Variants in CA5A observed in about 807,000 individuals in gnomAD.
The protein encoded by CA5A is carbonic anhydrase 5A, also known as carbonic anhydrase 5A, mitochondrial.
CA5A carries 28 observed loss-of-function variants against 37.1 expected under a neutral mutation model. The observed-to-expected ratio is 0.75, with a 90% CI of 0.56 to 1.03. CA5A has a LOEUF of 1.03. Among genes scored for constraint, CA5A ranks in the 50% least tolerant of loss-of-function variants. The pLI is 0.00. For missense variants in CA5A, 444 were observed against 399.9 expected, an observed-to-expected ratio of 1.11 and a Z score of -0.94; for synonymous variants, 171 against 158.4, an observed-to-expected ratio of 1.08 and a Z score of -0.60.
intron 2 of CA5A, among the ~76,000 whole-genome samples, chr16:87,908,662 G>A (rs546347753): frequency 2.9e-4 from 44 of 152,306 alleles, no homozygotes; most frequent in African/African-American, 1.0e-3. Flanking sequence ...GAAGGGACTT[G>A]TGAGCCCTGA....
chr16:87,925,887 C>T (rs2056300057), intron 2 of CA5A, among the ~76,000 whole-genome samples: 1 of 152,108 alleles, frequency 6.6e-6, no homozygotes, highest in African/African-American at 2.4e-5. Flanking sequence ...CCTCCAGCCG[C>T]CTGCTCAGTC....
At chr16:87,917,012 G>A (rs1263990643) in intron 2 of CA5A, among the ~76,000 whole-genome samples, 1 of 151,634 alleles carries the variant, frequency 6.6e-6, no homozygotes, top group Non-Finnish European at 1.5e-5. Flanking sequence ...GGCTGAGGCA[G>A]GAGAATGGTG....
In CA5A at chr16:87,899,779, G is replaced by C. The variant is rs542487128; in HGVS notation, c.618+2133C>G. On this transcript the variant is annotated intron_variant, in intron 5 of 6. Coordinates refer to ENST00000649794, the MANE Select transcript of CA5A (RefSeq NM_001739.2). ...TACTAAAAATACAAAAATTAGCCAG[G>C]CATGGTGGTGGGCGCCGGTACTTCC... 9.9e-4 allele frequency among the ~76,000 whole-genome samples: 149 copies of C among 151,044 alleles called. 1 individual carries two copies. Among genetic ancestry groups the C allele is most frequent in the African/African-American group, 3.4e-3 (141 of 41,322 alleles).
intron 1 of CA5A, among the ~76,000 whole-genome samples, chr16:87,931,855 G>C (rs2056410563): frequency 6.6e-6 from 1 of 152,224 alleles, no homozygotes; most frequent in Admixed American, 6.5e-5. Flanking sequence ...GCCACAACAG[G>C]GGCCTCTGTC....
At position 87,901,892 on chromosome 16, in the gene CA5A, A is replaced by G. The variant is rs762391118; in HGVS notation, c.618+20T>C. 1 of 1,609,282 alleles carries G rather than the reference A, an allele frequency of 6.2e-7. No homozygotes were observed. The highest frequency in any genetic ancestry group is 1.1e-5 in the South Asian group (1 of 91,024). ...GTGAGCCTCCGCGCCCGGCCTGCTG[A>G]TTTCAAATATGCAGCTTACCTTATG... On this transcript the variant is annotated intron_variant, in intron 5 of 6. Transcript: ENST00000649794.
intron 5 of CA5A, among the ~76,000 whole-genome samples, chr16:87,895,460 A>G (rs112828109): frequency 6.6e-6 from 1 of 152,098 alleles, no homozygotes; most frequent in Admixed American, 6.6e-5. Context: ...CAGGAGAATC[A>G]CTTAAACCCG....
chr16:87,934,015 A>C (rs8058774), intron 1 of CA5A, among the ~76,000 whole-genome samples: 1 of 152,300 alleles, frequency 6.6e-6, no homozygotes, highest in East Asian at 1.9e-4. Flanking sequence ...GTAAGAGGAC[A>C]TGTTGCCACA....
intron 2 of CA5A, chr16:87,925,514 G>A (rs1281067541): frequency 6.6e-6 from 1 of 152,380 alleles, no homozygotes; most frequent in Non-Finnish European, 1.5e-5. Context: ...CCCAGCACGT[G>A]GCCCAATTCC....
At chr16:87,910,934 G>A (rs2056041239) in intron 2 of CA5A, among the ~76,000 whole-genome samples, 1 of 151,836 alleles carries the variant, frequency 6.6e-6, no homozygotes. Flanking sequence ...ATTTTTAGTA[G>A]AGACGGGGTT....
At chr16:87,926,670 C>T (rs547843428) in intron 2 of CA5A, 78 bp downstream of exon 2, 5 of 1,153,892 alleles carry the variant, frequency 4.3e-6, no homozygotes, top group African/African-American at 1.5e-5. Context: ...CTCTCCTCCC[C>T]CTTCTCCGCG....
rs1378064189 is a variant in CA5A at position 87,902,408 on chromosome 16, C to G, written c.555+17G>C. 1 of 1,491,208 alleles carries G rather than the reference C, an allele frequency of 6.7e-7. No homozygotes were observed. The highest frequency in any genetic ancestry group is 9.4e-7 in the Non-Finnish European group (1 of 1,068,336). The allele number at this position is 1,491,208 out of a possible 1,614,324, so 92.4% of individuals were successfully genotyped here. A position where few individuals can be genotyped will look rare whatever the true frequency, so the allele number is the denominator to read the frequency against. On this transcript the variant is annotated intron_variant, in intron 4 of 6. Transcript: ENST00000649794. ...CACCACTTTCTTCATTAGATCTACACCCGAGCAAGTGATTACCTTTAAAAA... is the reference window on the plus strand; with the variant it reads ...CACCACTTTCTTCATTAGATCTACAGCCGAGCAAGTGATTACCTTTAAAAA...
rs1278506383 is a variant in CA5A at position 87,935,709 on chromosome 16, C to T, written c.142+600G>A. ...TGGCCAACATGGTGAAACCCCATCT[C>T]TACCAAAATACAAAAAATTAGCTGG... is the stretch of plus-strand genomic sequence containing the variant. On this transcript the variant is annotated intron_variant, in intron 1 of 6. Transcript: ENST00000649794. Among the ~76,000 whole-genome samples the T allele has an allele frequency of 2.6e-5, 4 of 152,062 alleles. No homozygotes were observed. The East Asian group carries it at 7.7e-4, about 29-fold the overall frequency.
At chr16:87,928,373 A>C (rs997509559) in intron 1 of CA5A, among the ~76,000 whole-genome samples, 1 of 152,142 alleles carries the variant, frequency 6.6e-6, no homozygotes, top group African/African-American at 2.4e-5. Context: ...TATGTTGCCC[A>C]GGCTGGTCTC....
In CA5A at chr16:87,936,298, G is replaced by T. The variant is rs2144117682; in HGVS notation, c.142+11C>A. Reference sequence around the variant, plus strand: ...CCAGTCGCATCTTAGGAAATTTGAGGCTCTACTTACAAGTGTTATTGCTGG... The same window carrying T: ...CCAGTCGCATCTTAGGAAATTTGAGTCTCTACTTACAAGTGTTATTGCTGG... On this transcript the variant is annotated intron_variant, in intron 1 of 6. Coordinates refer to ENST00000649794, the MANE Select transcript of CA5A (RefSeq NM_001739.2). 1.3e-6 allele frequency: 2 copies of T among 1,598,836 alleles called. No homozygotes were observed. The highest frequency in any genetic ancestry group is 2.2e-5 in the East Asian group (1 of 44,764).
chr16:87,910,348 T>C (rs969338493), intron 2 of CA5A, among the ~76,000 whole-genome samples: 2 of 152,170 alleles, frequency 1.3e-5, no homozygotes, highest in Non-Finnish European at 2.9e-5. Context: ...CAGGATGAAC[T>C]CCTCACAATG....
At chr16:87,886,024 C>T (rs1195661825), downstream of CA5A, 3 of 152,068 alleles carry the variant, frequency 2.0e-5, no homozygotes, top group Admixed American at 2.0e-4. Context: ...TAATGGAAAC[C>T]ATCCTGGCAC....
intron 2 of CA5A, among the ~76,000 whole-genome samples, chr16:87,926,010 G>A (rs1197934692): frequency 6.6e-6 from 1 of 152,192 alleles, no homozygotes; most frequent in Non-Finnish European, 1.5e-5. Flanking sequence ...ATCACCTGAT[G>A]TCAGGGGTTC....
At chr16:87,912,394 G>A (rs112570221) in intron 2 of CA5A, among the ~76,000 whole-genome samples, 4,769 of 152,302 alleles carry the variant, frequency 0.031, 282 homozygotes, top group African/African-American at 0.11. Context: ...GTCCCCTGAA[G>A]CAGATACCAC....
chr16:87,891,673 T>C (rs11859898), intron 6 of CA5A, 126 bp downstream of exon 6: 2 of 851,174 alleles, frequency 2.3e-6, no homozygotes, highest in Admixed American at 4.1e-5. Context: ...TGTGTAAGAA[T>C]GCCCCAAATG....
Sources: gnomAD v4.1 joint callset for allele counts (sites outside exome capture counted in the v4.1 genomes callset) on GRCh38, gnomAD v4.1.1 for gene constraint, MANE v1.5 for transcripts, NCBI Gene and HGNC (gene_info 2026-07-23, HGNC 2026-07-21) for gene names.